GMPR: variants seen among roughly 807,000 people sequenced by gnomAD.
GMPR encodes the protein GMP reductase 1.
GMPR carries 31 observed loss-of-function variants against 38.4 expected under a neutral mutation model. The ratio of observed to expected loss-of-function variants is 0.81; its 90% CI spans 0.61 to 1.09. GMPR has a LOEUF of 1.09. Among genes scored for constraint, GMPR ranks in the 50% least tolerant of loss-of-function variants. The probability of loss-of-function intolerance (pLI) is 0.00; values close to 1 mark genes in which losing one functional copy is unlikely to be tolerated. For synonymous variants in GMPR, 162 were observed against 173.3 expected (o/e 0.93, Z 0.51); for missense variants, 468 against 453.7 (o/e 1.03, Z -0.29).
chr6:16,272,229 C>CA (rs371939470), intron 4 of GMPR, among the ~76,000 whole-genome samples: 16 of 151,698 alleles, frequency 1.1e-4, no homozygotes, highest in Non-Finnish European at 1.2e-4. Flanking sequence ...AAACAAAAAA[C>CA]AAAAAAAACA....
At chr6:16,254,429 T>C (rs1758933336) in intron 3 of GMPR, 133 bp from the exon 4 acceptor site, 1 of 691,716 alleles carries the variant, frequency 1.4e-6, no homozygotes, top group Non-Finnish European at 2.6e-6. Flanking sequence ...CTTGAGCAGG[T>C]GCACTGTGCA....
At chr6:16,283,663 G>C (rs1394623276) in intron 6 of GMPR, among the ~76,000 whole-genome samples, 1 of 152,192 alleles carries the variant, frequency 6.6e-6, no homozygotes, top group Non-Finnish European at 1.5e-5. Context: ...GAGAAAGGCT[G>C]ATTTTCTTGG....
Position 16,254,719 on chromosome 6 carries a change from C to G in GMPR, c.449C>G (p.Pro150Arg), listed in dbSNP as rs768692695. ...GTGAAACTTGTCCGTGCCAAATTTC[C>G]TGAACACACCATTATGGTAAGTACG... ...EFVKLVRAKF[P>R]EHTIMAGNVV... Residue 150 changes from proline (P) to arginine (R), a missense_variant, in exon 4 of 9, where the codon CCT (proline) becomes CGT (arginine). Physicochemically the swap from Pro to Arg is moderately radical, Grantham distance 103. Transcript: ENST00000259727. 1 of 1,612,630 alleles carries G rather than the reference C, an allele frequency of 6.2e-7. No individual in the cohort carries two copies. The highest frequency in any genetic ancestry group is 1.7e-5 in the Admixed American group (1 of 60,018).
intron 6 of GMPR, among the ~76,000 whole-genome samples, chr6:16,285,033 CAA>C (rs11370216): frequency 9.2e-6 from 1 of 108,602 alleles, no homozygotes; most frequent in African/African-American, 3.6e-5. Flanking sequence ...AAAAAAAAAA[CAA>C]AAAAAAAAAA....
At chr6:16,288,627 G>C (rs941155921) in intron 7 of GMPR, among the ~76,000 whole-genome samples, 14 of 152,356 alleles carry the variant, frequency 9.2e-5, no homozygotes, top group African/African-American at 3.4e-4. Flanking sequence ...ACCATGCAAG[G>C]GCTGAGGAGT....
intron 6 of GMPR, among the ~76,000 whole-genome samples, chr6:16,282,588 C>T (rs936151345): frequency 2.6e-5 from 4 of 152,180 alleles, no homozygotes; most frequent in Admixed American, 6.5e-5. Flanking sequence ...CCGCCGTCTA[C>T]GCAATATCTC....
intron 1 of GMPR, among the ~76,000 whole-genome samples, chr6:16,239,049 G>A (rs948628303): frequency 6.6e-6 from 1 of 152,200 alleles, no homozygotes; most frequent in Non-Finnish European, 1.5e-5. Flanking sequence ...ACAGATGAGC[G>A]AGATCCAGTG....
intron 4 of GMPR, among the ~76,000 whole-genome samples, chr6:16,255,157 G>A (rs572652852): frequency 4.0e-5 from 6 of 151,862 alleles, no homozygotes; most frequent in South Asian, 2.1e-4. Flanking sequence ...GATTACAGGC[G>A]CCCATCACCA....
chr6:16,265,941 G>GC (rs1442831367), intron 4 of GMPR, among the ~76,000 whole-genome samples: 1 of 152,114 alleles, frequency 6.6e-6, no homozygotes, highest in Non-Finnish European at 1.5e-5. Context: ...GTGAGACCAC[G>GC]AAGCCACCCG....
intron 4 of GMPR, among the ~76,000 whole-genome samples, chr6:16,265,254 G>T (rs979845505): frequency 6.6e-6 from 1 of 152,216 alleles, no homozygotes; most frequent in African/African-American, 2.4e-5. Context: ...TACCTGGCCA[G>T]AATTTCTTTT....
chr6:16,290,412 C>T (rs1337913426), intron 7 of GMPR, 50 bp from the exon 8 acceptor site: 2 of 1,566,536 alleles, frequency 1.3e-6, no homozygotes, highest in East Asian at 4.5e-5. Context: ...GCCTTTTCCC[C>T]TGAGCTGTTT....
At chr6:16,249,096 C>G (rs1039554145) in intron 2 of GMPR, among the ~76,000 whole-genome samples, 1 of 151,950 alleles carries the variant, frequency 6.6e-6, no homozygotes, top group Admixed American at 6.6e-5. Flanking sequence ...GGTGTCCAAT[C>G]TCCGTAGTCA....
At chr6:16,266,260 A>T (rs427449) in intron 4 of GMPR, among the ~76,000 whole-genome samples, 1 of 151,742 alleles carries the variant, frequency 6.6e-6, no homozygotes. Flanking sequence ...TGTAACACTC[A>T]CTGCGAAGGT....
intron 4 of GMPR, among the ~76,000 whole-genome samples, chr6:16,268,665 C>T (rs1403488175): frequency 6.6e-6 from 1 of 152,174 alleles, no homozygotes; most frequent in African/African-American, 2.4e-5. Flanking sequence ...CAACCCTTGC[C>T]TTTTATCATC....
chr6:16,267,153 G>A (rs1759265258), intron 4 of GMPR, among the ~76,000 whole-genome samples: 1 of 152,216 alleles, frequency 6.6e-6, no homozygotes, highest in Admixed American at 6.5e-5. Flanking sequence ...CACCAGGTCA[G>A]GAGATCATGA....
At chr6:16,246,796 A>T in intron 1 of GMPR, 46 bp from the exon 2 acceptor site, 1 of 1,574,420 alleles carries the variant, frequency 6.4e-7, no homozygotes, top group Non-Finnish European at 8.7e-7. Context: ...ATAAGAGCAA[A>T]GCACTCATTT....
chr6:16,288,995 G>A lies in GMPR; in HGVS notation c.698-1467G>A, dbSNP rs191304465. Among the ~76,000 whole-genome samples the A allele has an allele frequency of 4.3e-3, 650 of 152,312 alleles. 3 individuals are homozygous for A. Among genetic ancestry groups the A allele is most frequent in the African/African-American group, 0.015 (615 of 41,562 alleles). On this transcript the variant is annotated intron_variant, in intron 7 of 8. Coordinates refer to ENST00000259727, the MANE Select transcript of GMPR (RefSeq NM_006877.4). The stretch of plus-strand genomic sequence containing the variant: ...TACCAATCAGCAGGATATGGGTGGG[G>A]CCAGATAAGAGAATAAAAGCAGGCT...
chr6:16,244,902 T>A (rs1157492324), intron 1 of GMPR, among the ~76,000 whole-genome samples: 1 of 152,224 alleles, frequency 6.6e-6, no homozygotes, highest in Non-Finnish European at 1.5e-5. Flanking sequence ...CTGTTAAGGC[T>A]GCCCTTTTCC....
intron 1 of GMPR, 142 bp downstream of exon 1, chr6:16,238,922 C>G (rs948177199): frequency 1.1e-5 from 4 of 369,250 alleles, no homozygotes; most frequent in Non-Finnish European, 1.0e-5. Flanking sequence ...GTTCCCGCGC[C>G]CCAGCACCTG....
Sources: allele counts gnomAD v4.1 joint callset (sites outside exome capture counted in the v4.1 genomes callset), GRCh38; gene constraint gnomAD v4.1.1; transcripts MANE v1.5; gene names NCBI Gene and HGNC (gene_info 2026-07-23, HGNC 2026-07-21).